Variants in EEF2K observed in about 807,000 individuals in gnomAD.
EEF2K encodes the protein alternative protein EEF2K.
In EEF2K, 70 loss-of-function variants were observed where a neutral mutation model predicts 93.8. That is an observed-to-expected ratio of 0.75 (90% CI 0.62 to 0.91). The LOEUF is 0.91. EEF2K is among the 40% of genes least tolerant of loss of function. The pLI is 0.00. For synonymous variants in EEF2K, 376 were observed against 380.8 expected, an observed-to-expected ratio of 0.99 and a Z score of 0.15; for missense variants, 935 against 972.9, an observed-to-expected ratio of 0.96 and a Z score of 0.52.
intron 13 of EEF2K, 93 bp from the exon 14 acceptor site, chr16:22,266,297 C>T (rs780327942): frequency 3.7e-5 from 56 of 1,502,400 alleles, no homozygotes; most frequent in Admixed American, 2.3e-4. Flanking sequence ...CATCTCCCTC[C>T]AGCCAGGCTC....
intron 15 of EEF2K, among the ~76,000 whole-genome samples, chr16:22,270,433 G>GT (rs746245331): frequency 6.6e-6 from 1 of 151,792 alleles, no homozygotes; most frequent in Non-Finnish European, 1.5e-5. Flanking sequence ...CCTAATTTTT[G>GT]TATGTTTAGT....
At chr16:22,273,568 G>T in intron 15 of EEF2K, 58 bp from the exon 16 acceptor site, 2 of 1,592,810 alleles carry the variant, frequency 1.3e-6, no homozygotes, top group African/African-American at 2.7e-5. Context: ...GATCTTGGCA[G>T]CCCTCGAGTG....
At chr16:22,254,913 A>C (rs1457831755) in intron 6 of EEF2K, among the ~76,000 whole-genome samples, 2 of 152,088 alleles carry the variant, frequency 1.3e-5, no homozygotes, top group Non-Finnish European at 2.9e-5. Flanking sequence ...TCTACTAAAA[A>C]TACAAAAATT....
chr16:22,214,469 G>A (rs1035126527), intron 1 of EEF2K, among the ~76,000 whole-genome samples: 1 of 151,502 alleles, frequency 6.6e-6, no homozygotes, highest in Non-Finnish European at 1.5e-5. Flanking sequence ...GACCAGCCTG[G>A]GCAATGTAGG....
In EEF2K at chr16:22,273,825, C is replaced by T. The variant is rs34472094; in HGVS notation, c.1889+75C>T. 12,169 of 1,577,528 alleles carry T rather than the reference C, an allele frequency of 7.7e-3. 76 individuals carry two copies. Among genetic ancestry groups the T allele is most frequent in the Non-Finnish European group, 8.9e-3 (10,355 of 1,161,338 alleles). ...TGGGCGCTTGTCCTCGGTATCAGCA[C>T]AGGCCTGGGTTCCAGTCTTGGCTGC... On this transcript the variant is annotated intron_variant, in intron 16 of 17. Coordinates refer to ENST00000263026, the MANE Select transcript of EEF2K (RefSeq NM_013302.5).
chr16:22,277,458 A>G (rs1208771616), intron 16 of EEF2K, among the ~76,000 whole-genome samples: 1 of 152,180 alleles, frequency 6.6e-6, no homozygotes, highest in Non-Finnish European at 1.5e-5. Flanking sequence ...AAATAAAGTC[A>G]AGATTATTTC....
chr16:22,280,638 A>AG (rs889686160), intron 17 of EEF2K, among the ~76,000 whole-genome samples: 62 of 149,070 alleles, frequency 4.2e-4, no homozygotes, highest in African/African-American at 1.5e-3. Context: ...ATAGTTTAGT[A>AG]GGGGGGTTTT....
rs996068094 is a variant in EEF2K, at chr16:22,266,392, A to G, written c.1443A>G (p.Val481=). Residue 481 remains valine (V), a splice_region_variant and synonymous_variant, in exon 14 of 18, where the codon GTA becomes GTG. Coordinates refer to ENST00000263026, the MANE Select transcript of EEF2K (RefSeq NM_013302.5). ...DEDSLGSSGR[V]CVEKWNLLNS... is the part of the protein sequence containing the mutation. Reference sequence around the variant, plus strand: ...CCTGGCCGGTTCTTTCCCTTCAGGTATGTGTAGAGAAGTGGAATCTCCTCA... The same window carrying G: ...CCTGGCCGGTTCTTTCCCTTCAGGTGTGTGTAGAGAAGTGGAATCTCCTCA... The G allele has an allele frequency of 1.2e-6, 2 of 1,613,522 alleles. No individual in the cohort carries two copies. Among genetic ancestry groups the G allele is most frequent in the Middle Eastern group, 1.7e-4 (1 of 6,058 alleles).
intron 16 of EEF2K, among the ~76,000 whole-genome samples, chr16:22,278,604 T>C (rs2047663767): frequency 6.6e-6 from 1 of 152,128 alleles, no homozygotes; most frequent in Non-Finnish European, 1.5e-5. Context: ...CAGAGGGCAC[T>C]GTGGCAGCAA....
intron 1 of EEF2K, among the ~76,000 whole-genome samples, chr16:22,219,495 GAC>G (rs1032272165): frequency 3.4e-4 from 52 of 152,252 alleles, no homozygotes; most frequent in African/African-American, 1.2e-3. Context: ...TGGGCATAGT[GAC>G]ACACACCTGT....
chr16:22,265,760 G>A (rs2047511698), intron 13 of EEF2K, among the ~76,000 whole-genome samples: 2 of 152,210 alleles, frequency 1.3e-5, no homozygotes, highest in Non-Finnish European at 2.9e-5. Flanking sequence ...CCTTTGGAGG[G>A]GGCATCTTTG....
intron 15 of EEF2K, among the ~76,000 whole-genome samples, chr16:22,267,331 A>T (rs1054816092): frequency 2.0e-5 from 3 of 152,038 alleles, no homozygotes; most frequent in African/African-American, 7.2e-5. Context: ...GGTGGCTTAA[A>T]CCTGTAATCT....
intron 2 of EEF2K, among the ~76,000 whole-genome samples, chr16:22,228,963 T>C (rs2047090052): frequency 6.6e-6 from 1 of 152,182 alleles, no homozygotes; most frequent in African/African-American, 2.4e-5. Context: ...TTTATTATTT[T>C]TAACTTTATT....
chr16:22,244,860 C>T (rs2047271163), intron 3 of EEF2K, 130 bp downstream of exon 3: 1 of 899,670 alleles, frequency 1.1e-6, no homozygotes, highest in Non-Finnish European at 1.7e-6. Context: ...CTAATATTGG[C>T]ATGCTAATGC....
At chr16:22,226,928 A>G (rs2047070561) in intron 2 of EEF2K, among the ~76,000 whole-genome samples, 1 of 152,208 alleles carries the variant, frequency 6.6e-6, no homozygotes, top group Non-Finnish European at 1.5e-5. Flanking sequence ...GGCTGGGTGC[A>G]GTGGCTTACG....
At chr16:22,273,838 C>G in intron 16 of EEF2K, 88 bp downstream of exon 16, 1 of 1,539,798 alleles carries the variant, frequency 6.5e-7, no homozygotes. Context: ...GCCTGGGTTC[C>G]AGTCTTGGCT....
At chr16:22,264,753 C>G in intron 12 of EEF2K, 65 bp from the exon 13 acceptor site, 1 of 1,595,848 alleles carries the variant, frequency 6.3e-7, no homozygotes, top group East Asian at 2.2e-5. Context: ...TGGACCAGCT[C>G]TCAGGAGAGG....
Position 22,257,653 on chromosome 16 carries a change from G to C in EEF2K, c.912G>C (p.Gly304=), listed in dbSNP as rs899134922. 1 of 1,613,320 alleles carries C rather than the reference G, an allele frequency of 6.2e-7. No homozygotes were observed. The highest frequency in any genetic ancestry group is 1.1e-5 in the South Asian group (1 of 91,084). ...CCGCTCTGTCCACAGGTGTCCGCGGGATGGCGCTCTTCTTCTACTCTCATG... is the reference window on the plus strand; with the variant it reads ...CCGCTCTGTCCACAGGTGTCCGCGGCATGGCGCTCTTCTTCTACTCTCATG... ...DFGDGNLGVR[G]MALFFYSHAC... Residue 304 remains glycine, a synonymous_variant, in exon 9 of 18, where the codon GGG becomes GGC. Coordinates refer to ENST00000263026, the MANE Select transcript of EEF2K (RefSeq NM_013302.5).
At chr16:22,276,785 A>G (rs2047641107) in intron 16 of EEF2K, among the ~76,000 whole-genome samples, 1 of 152,204 alleles carries the variant, frequency 6.6e-6, no homozygotes, top group Non-Finnish European at 1.5e-5. Flanking sequence ...CGAGCCCAGC[A>G]TGGTGGCTCA....
Sources: gnomAD v4.1 joint callset for allele counts (sites outside exome capture counted in the v4.1 genomes callset) on GRCh38, gnomAD v4.1.1 for gene constraint, MANE v1.5 for transcripts, NCBI Gene and HGNC (gene_info 2026-07-23, HGNC 2026-07-21) for gene names.